XDH: variants seen among roughly 807,000 people sequenced by gnomAD.
The protein encoded by XDH is xanthine dehydrogenase.
XDH carries 138 observed loss-of-function variants against 156.1 expected under a neutral mutation model. That is an observed-to-expected ratio of 0.88 (90% confidence interval 0.77 to 1.02). The LOEUF (loss-of-function observed/expected upper bound fraction) is 1.02, where lower values mean the gene tolerates loss of function less well. Among genes scored for constraint, XDH ranks in the 50% least tolerant of loss-of-function variants. The pLI is 0.00. For synonymous variants in XDH, 669 were observed against 625.7 expected (o/e 1.07, Z -1.03); for missense variants, 1,849 against 1,684.9 (o/e 1.10, Z -1.71).
At chr2:31,364,338 G>T in intron 23 of XDH, 94 bp from the exon 24 acceptor site, 2 of 1,261,530 alleles carry the variant, frequency 1.6e-6, no homozygotes, top group East Asian at 2.3e-5. Flanking sequence ...TATGTCACCT[G>T]GAGGAAATAA....
At chr2:31,340,981 C>T (rs879350010) in intron 33 of XDH, among the ~76,000 whole-genome samples, 1 of 152,186 alleles carries the variant, frequency 6.6e-6, no homozygotes, top group Non-Finnish European at 1.5e-5. Flanking sequence ...TCAGACCCCA[C>T]TGTCTGGGCA....
rs1342972085 is a variant in XDH, at chr2:31,339,496, G to T, written c.3767C>A (p.Ala1256Glu). Residue 1256 changes from alanine to glutamate, a missense_variant, in exon 34 of 36, where the codon GCA (alanine) becomes GAA (glutamate). By Grantham distance (107) the Ala-to-Glu change is moderately radical. Coordinates refer to ENST00000379416, the MANE Select transcript of XDH (RefSeq NM_000379.4). ...GAGCCAGAGCAATGGTACCTTCGAT[G>T]CATAGATGGCCTTCTTGTTGGGGCA... is the stretch of plus-strand genomic sequence containing the variant. ...RDCPNKKAIY[A>E]SKAVGEPPLF... The T allele has an allele frequency of 3.1e-6, 5 of 1,614,114 alleles. No homozygotes were observed. Among genetic ancestry groups the T allele is most frequent in the Non-Finnish European group, 4.2e-6 (5 of 1,180,032 alleles).
At chr2:31,395,020 T>A (rs896521141) in intron 6 of XDH, among the ~76,000 whole-genome samples, 1 of 151,776 alleles carries the variant, frequency 6.6e-6, no homozygotes, top group Non-Finnish European at 1.5e-5. Flanking sequence ...AATATTCCTG[T>A]CCTATTTGAC....
chr2:31,366,114 G>C lies in XDH; in HGVS notation c.2323-5C>G. On this transcript the variant is annotated splice_polypyrimidine_tract_variant and splice_region_variant and intron_variant, in intron 21 of 35. Transcript: ENST00000379416. ...CAACATTTTTGCAACAAAGCTCTGT[G>C]AGTGAAAGACAGAACATTCGCACTG... 6.2e-7 allele frequency: 1 copy of C among 1,614,232 alleles called. No individual in the cohort carries two copies. The highest frequency in any genetic ancestry group is 8.5e-7 in the Non-Finnish European group (1 of 1,180,042).
At chr2:31,383,978 G>A (rs13397122) in intron 9 of XDH, 131 bp from the exon 10 acceptor site, 187 of 863,404 alleles carry the variant, frequency 2.2e-4, no homozygotes, top group Non-Finnish European at 3.1e-4. Flanking sequence ...TCTGGTGACT[G>A]TAGGTGTCTG....
At chr2:31,397,960 A>G (rs1423497686) in intron 5 of XDH, among the ~76,000 whole-genome samples, 1 of 152,226 alleles carries the variant, frequency 6.6e-6, no homozygotes, top group Non-Finnish European at 1.5e-5. Context: ...AGACTGAGTC[A>G]GGTACCTCTC....
Position 31,346,702 on chromosome 2 carries a change from G to A in XDH, c.3351+67C>T, listed in dbSNP as rs149579381. The A allele has an allele frequency of 2.3e-4, 363 of 1,581,382 alleles. 3 individuals are homozygous for A. In the South Asian group the frequency reaches 3.7e-3, roughly 16 times the overall value. Reference sequence around the variant, plus strand: ...TGTCTCCTATTACTTGTTCGGATTCGGAACGGAGGCCCTGCTGTCAATTTC... The same window carrying A: ...TGTCTCCTATTACTTGTTCGGATTCAGAACGGAGGCCCTGCTGTCAATTTC... On this transcript the variant is annotated intron_variant, in intron 30 of 35. Coordinates refer to ENST00000379416, the MANE Select transcript of XDH (RefSeq NM_000379.4).
At chr2:31,364,041 C>T (rs764702819) in intron 24 of XDH, 117 bp downstream of exon 24, 9 of 876,128 alleles carry the variant, frequency 1.0e-5, no homozygotes, top group South Asian at 4.1e-5. Context: ...GGTGGGGACC[C>T]ATTAGGAGAC....
rs1478141304 is a variant in XDH at position 31,403,140 on chromosome 2, C to T, written c.105G>A (p.Gly35=). The T allele has an allele frequency of 2.5e-6, 4 of 1,613,992 alleles. No homozygotes were observed. The African/African-American group carries it at 4.0e-5, about 16-fold the overall frequency. Residue 35 remains glycine, a synonymous_variant, in exon 3 of 36, where the codon GGG becomes GGA. Coordinates refer to ENST00000379416, the MANE Select transcript of XDH (RefSeq NM_000379.4). ...TLLAYLRRKL[G]LSGTKLGCGE... ...CACAGCCGAGCTTGGTTCCACTCAG[C>T]CCCACTGGGTGGTCAAGAGTTAAGG...
intron 31 of XDH, 124 bp downstream of exon 31, chr2:31,344,560 G>T (rs1685227492): frequency 9.0e-7 from 1 of 1,112,024 alleles, no homozygotes. Context: ...GCGGAAGTCT[G>T]TTGAAGAGAT....
intron 16 of XDH, among the ~76,000 whole-genome samples, chr2:31,373,633 A>G (rs2148773248): frequency 6.6e-6 from 1 of 152,236 alleles, no homozygotes; most frequent in South Asian, 2.1e-4. Context: ...AAAATCTGTA[A>G]GGAAGAGGGG....
chr2:31,370,430 GAAAC>G lies in XDH; in HGVS notation c.1901_1904del (p.Cys634SerfsTer12). ...TCCCAGGAACATCATCAGCGGAAATGAAACAAACAAACCCTGGAACCTTCTTAGC... is the reference window on the plus strand; with the variant it reads ...TCCCAGGAACATCATCAGCGGAAATGAAACAAACCCTGGAACCTTCTTAGC... On this transcript the variant is annotated frameshift_variant, in exon 18 of 36. Transcript: ENST00000379416. LOFTEE classifies it high-confidence loss of function. The G allele has an allele frequency of 1.2e-6, 2 of 1,614,170 alleles. No individual in the cohort carries two copies. Among genetic ancestry groups the G allele is most frequent in the Non-Finnish European group, 1.7e-6 (2 of 1,180,030 alleles).
chr2:31,346,466 T>C (rs1173780455), intron 30 of XDH, among the ~76,000 whole-genome samples: 1 of 152,074 alleles, frequency 6.6e-6, no homozygotes, highest in Non-Finnish European at 1.5e-5. Flanking sequence ...CGATGAGGCA[T>C]GTTCAGCAGG....
intron 24 of XDH, among the ~76,000 whole-genome samples, chr2:31,363,236 T>C (rs13426715): frequency 0.04 from 6,137 of 152,202 alleles, 382 homozygotes; most frequent in African/African-American, 0.14. Flanking sequence ...CGCTTGAAGC[T>C]GGAGGCAGAG....
chr2:31,383,842 C>G lies in XDH; in HGVS notation c.799G>C (p.Glu267Gln), dbSNP rs867012151. Residue 267 changes from glutamate to glutamine, a missense_variant, in exon 10 of 36, where the codon GAG becomes CAG. Glu to Gln is a conservative substitution (Grantham distance 29). Transcript: ENST00000379416. ...AACAGCATATTCTTGAACTTCATCT[C>G]AATGCCTAGAGAGAAACAAGAAGCT... The part of the protein sequence containing the change: ...LVVGNTEIGI[E>Q]MKFKNMLFPM... 1 of 1,613,870 alleles carries G rather than the reference C, an allele frequency of 6.2e-7. No individual in the cohort carries two copies. Among genetic ancestry groups the G allele is most frequent in the Admixed American group, 1.7e-5 (1 of 60,010 alleles).
At position 31,368,155 on chromosome 2, in the gene XDH, T is replaced by C. The variant is rs1425761418; in HGVS notation, c.2101-98A>G. 2.7e-6 allele frequency: 3 copies of C among 1,091,486 alleles called. No individual in the cohort carries two copies. The African/African-American group carries it at 4.7e-5, about 17-fold the overall frequency. 67.6% of individuals were successfully genotyped at this position (1,091,486 alleles called of 1,614,324 possible). A position where few individuals can be genotyped will look rare whatever the true frequency, so the allele number is the denominator to read the frequency against. On this transcript the variant is annotated intron_variant, in intron 19 of 35. Coordinates refer to ENST00000379416, the MANE Select transcript of XDH (RefSeq NM_000379.4). ...GAGAAGCTCTCTGAATTGTTGACTC[T>C]CTCTTTCCATAAATGAATCTCTATA... is the stretch of plus-strand genomic sequence containing the variant.
intron 6 of XDH, among the ~76,000 whole-genome samples, chr2:31,396,481 T>C (rs1686908906): frequency 6.6e-6 from 1 of 152,180 alleles, no homozygotes; most frequent in Non-Finnish European, 1.5e-5. Context: ...ATTTATTGAA[T>C]AACAGAAATG....
At chr2:31,365,759 T>C (rs1685897356) in intron 22 of XDH, among the ~76,000 whole-genome samples, 1 of 152,072 alleles carries the variant, frequency 6.6e-6, no homozygotes, top group South Asian at 2.1e-4. Context: ...TCACAGCCAG[T>C]AGGAGAGATC....
At chr2:31,374,019 T>C (rs1281690571) in intron 15 of XDH, 63 bp from the exon 16 acceptor site, 1 of 1,532,318 alleles carries the variant, frequency 6.5e-7, no homozygotes. Context: ...CCTTCCTTGC[T>C]TGTCCATAAA....
Sources: gnomAD v4.1 joint callset for allele counts (sites outside exome capture counted in the v4.1 genomes callset) on GRCh38, gnomAD v4.1.1 for gene constraint, MANE v1.5 for transcripts, NCBI Gene and HGNC (gene_info 2026-07-23, HGNC 2026-07-21) for gene names.